The following SPATA13 variants were observed in gnomAD, a reference collection of about 807,000 sequenced individuals.
SPATA13 encodes the protein spermatogenesis associated 13.
In SPATA13, 50 loss-of-function variants were observed where a neutral mutation model predicts 104.0. The observed-to-expected ratio is 0.48, with a 90% CI of 0.38 to 0.61. The LOEUF (loss-of-function observed/expected upper bound fraction) is 0.61. Ranked by LOEUF, SPATA13 falls within the 20% of genes least tolerant of loss-of-function variation. SPATA13 has a pLI of 0.00. For synonymous variants in SPATA13, 606 were observed against 667.5 expected (o/e 0.91, Z 1.42); for missense variants, 1,524 against 1,690.6 (o/e 0.90, Z 1.73).
intron 3 of SPATA13, among the ~76,000 whole-genome samples, chr13:24,133,048 AC>A (rs906996889): frequency 2.0e-5 from 3 of 152,180 alleles, no homozygotes; most frequent in African/African-American, 7.2e-5. Flanking sequence ...AGATGATATG[AC>A]AGTTGAGGCC....
intron 3 of SPATA13, among the ~76,000 whole-genome samples, chr13:24,083,094 A>T (rs772774627): frequency 1.1e-4 from 16 of 152,222 alleles, no homozygotes; most frequent in Non-Finnish European, 2.4e-4. Flanking sequence ...CTTAATAAAA[A>T]CTTTTCTGGA....
At chr13:24,240,020 T>C (rs994692378) in intron 2 of SPATA13, among the ~76,000 whole-genome samples, 2 of 151,872 alleles carry the variant, frequency 1.3e-5, no homozygotes, top group Admixed American at 1.3e-4. Flanking sequence ...AATTGCAACC[T>C]ACGACCGGGT....
intron 2 of SPATA13, among the ~76,000 whole-genome samples, chr13:24,239,354 A>G (rs1296896624): frequency 6.6e-6 from 1 of 152,116 alleles, no homozygotes; most frequent in Non-Finnish European, 1.5e-5. Flanking sequence ...GTTTATTTAC[A>G]TTGTGGGATG....
At chr13:24,233,992 CT>C in intron 2 of SPATA13, among the ~76,000 whole-genome samples, 1 of 152,006 alleles carries the variant, frequency 6.6e-6, no homozygotes. Context: ...TAGTTTTGAA[CT>C]TTCCAGTGGC....
intron 3 of SPATA13, among the ~76,000 whole-genome samples, chr13:24,025,336 C>CA (rs887075280): frequency 1.6e-4 from 25 of 151,668 alleles, no homozygotes; most frequent in African/African-American, 6.0e-4. Flanking sequence ...ACTTATATAC[C>CA]AAAAAATATA....
chr13:24,239,575 G>C (rs946991136), intron 2 of SPATA13, among the ~76,000 whole-genome samples: 3 of 150,470 alleles, frequency 2.0e-5, no homozygotes, highest in Non-Finnish European at 4.4e-5. Context: ...TGCACCTCTA[G>C]TCCCAGCTAC....
chr13:24,284,901 C>T (rs1470915962), intron 5 of SPATA13, among the ~76,000 whole-genome samples: 2 of 152,160 alleles, frequency 1.3e-5, no homozygotes, highest in Non-Finnish European at 2.9e-5. Context: ...TTCATCAACG[C>T]TCTAAGGAAA....
At chr13:24,054,850 T>TA (rs903351261) in intron 3 of SPATA13, among the ~76,000 whole-genome samples, 8 of 151,776 alleles carry the variant, frequency 5.3e-5, no homozygotes, top group Non-Finnish European at 7.4e-5. Context: ...TAACCTCTTC[T>TA]AAAAAAAAAT....
In SPATA13 at chr13:24,116,215, C is replaced by T. The variant is rs117068845; in HGVS notation, c.-112+98514C>T. Among the ~76,000 whole-genome samples the T allele has an allele frequency of 6.0e-3, 915 of 152,328 alleles. 4 individuals carry two copies. The highest frequency in any genetic ancestry group is 0.01 in the Non-Finnish European group (689 of 68,028). ...CAGCAGGTTCAGCGTCTGCTAAGCT[C>T]CTGCTTTTCATGGATTGCATCTTCT... On this transcript the variant is annotated intron_variant, in intron 3 of 14. Coordinates refer to the SPATA13 transcript ENST00000424834.
intron 1 of SPATA13, among the ~76,000 whole-genome samples, chr13:24,220,208 G>A (rs1871496078): frequency 6.6e-6 from 1 of 152,132 alleles, no homozygotes; most frequent in Non-Finnish European, 1.5e-5. Flanking sequence ...TCACTGAAAT[G>A]ACTGACTCAA....
intron 3 of SPATA13, among the ~76,000 whole-genome samples, chr13:24,101,857 C>CACAT (rs1288232320): frequency 6.6e-6 from 1 of 152,036 alleles, no homozygotes; most frequent in East Asian, 1.9e-4. Flanking sequence ...GTGTGTTTAC[C>CACAT]ACATGTTCTT....
At chr13:24,162,998 C>T (rs145095160) in intron 1 of SPATA13, among the ~76,000 whole-genome samples, 10 of 152,338 alleles carry the variant, frequency 6.6e-5, no homozygotes, top group Middle Eastern at 3.4e-3. Flanking sequence ...AACCTAATGC[C>T]GGCTGTCCCT....
At chr13:24,089,487 G>A (rs191388478) in intron 3 of SPATA13, among the ~76,000 whole-genome samples, 1 of 152,114 alleles carries the variant, frequency 6.6e-6, no homozygotes. Flanking sequence ...CAGTTCTCCC[G>A]GTTCTGTATC....
intron 1 of SPATA13, 40 bp from the exon 2 acceptor site, chr13:24,222,779 T>C: frequency 6.8e-7 from 1 of 1,478,526 alleles, no homozygotes; most frequent in Non-Finnish European, 9.0e-7. Context: ...GGCTACTGCG[T>C]GGGAAATGGC....
At chr13:24,296,728 T>C (rs189475960) in intron 10 of SPATA13, among the ~76,000 whole-genome samples, 8 of 152,202 alleles carry the variant, frequency 5.3e-5, no homozygotes, top group Admixed American at 3.9e-4. Flanking sequence ...TAATTCAGCA[T>C]GCCTCTTACC....
Position 24,122,455 on chromosome 13 carries a change from C to T in SPATA13, c.-111-100364C>T, listed in dbSNP as rs74040216. On this transcript the variant is annotated intron_variant, in intron 3 of 14. Transcript: ENST00000424834. ...CCAGTCTTCATCGTCTCCATCTTCA[C>T]CAGCCTGCTTAGCCAGAATCTCCAA... is the stretch of plus-strand genomic sequence containing the variant. 3.9e-3 allele frequency: 6,315 copies of T among 1,606,042 alleles called. 234 individuals carry two copies. The African/African-American group carries it at 0.075, about 19-fold the overall frequency.
intron 2 of SPATA13, among the ~76,000 whole-genome samples, chr13:24,233,209 T>C (rs1872380891): frequency 6.6e-6 from 1 of 152,310 alleles, no homozygotes; most frequent in East Asian, 1.9e-4. Flanking sequence ...TCACAAAAAT[T>C]AGAGTTAGAA....
intron 2 of SPATA13, among the ~76,000 whole-genome samples, chr13:24,232,655 C>T (rs954911125): frequency 8.7e-4 from 132 of 152,288 alleles, no homozygotes; most frequent in African/African-American, 3.0e-3. Flanking sequence ...AATCCTCCTG[C>T]CTCAGCACCA....
At chr13:24,239,642 C>T (rs1263300989) in intron 2 of SPATA13, among the ~76,000 whole-genome samples, 4 of 130,706 alleles carry the variant, frequency 3.1e-5, no homozygotes, top group African/African-American at 1.2e-4. Context: ...CTGCAGTGAG[C>T]CGAGATTTCG....
Sources: gnomAD v4.1 joint callset for allele counts (sites outside exome capture counted in the v4.1 genomes callset) on GRCh38, gnomAD v4.1.1 for gene constraint, MANE v1.5 for transcripts, NCBI Gene and HGNC (gene_info 2026-07-23, HGNC 2026-07-21) for gene names.